The following CSMD1 variants were observed in gnomAD, a reference collection of about 807,000 sequenced individuals.
The protein encoded by CSMD1 is CUB and Sushi multiple domains 1, also known as CUB and sushi domain-containing protein 1.
A neutral mutation model predicts 417.5 loss-of-function variants in CSMD1; 213 were observed. The observed-to-expected ratio is 0.51, with a 90% confidence interval of 0.46 to 0.57. The LOEUF is 0.57. Among genes scored for constraint, CSMD1 ranks in the 20% least tolerant of loss-of-function variants. The pLI, the probability that CSMD1 is intolerant of heterozygous loss-of-function variation, is 0.00. For synonymous variants in CSMD1, 2,862 were observed against 1,736.8 expected (o/e 1.65, Z -16.11); for missense variants, 6,923 against 4,529.7 (o/e 1.53, Z -15.17).
chr8:3,592,366 A>G (rs2449177), intron 8 of CSMD1, among the ~76,000 whole-genome samples: 1,834 of 152,266 alleles, frequency 0.012, 41 homozygotes, highest in African/African-American at 0.042. Flanking sequence ...GTAGGCATTT[A>G]AACATTTTTG....
intron 22 of CSMD1, among the ~76,000 whole-genome samples, chr8:3,347,122 G>T (rs372794617): frequency 6.6e-6 from 1 of 152,218 alleles, no homozygotes; most frequent in African/African-American, 2.4e-5. Context: ...ATATGTTTAC[G>T]AATTTGTGTT....
intron 3 of CSMD1, among the ~76,000 whole-genome samples, chr8:4,392,798 T>C (rs923942589): frequency 1.3e-5 from 2 of 151,570 alleles, no homozygotes; most frequent in African/African-American, 4.8e-5. Context: ...TGAAACCCCA[T>C]CTCTAGTAAA....
intron 3 of CSMD1, among the ~76,000 whole-genome samples, chr8:4,105,719 T>A (rs561299318): frequency 2.0e-5 from 3 of 152,294 alleles, no homozygotes; most frequent in South Asian, 4.1e-4. Context: ...CATGGCAAGA[T>A]CAACCCACAG....
At chr8:4,281,578 G>GT (rs1389788081) in intron 3 of CSMD1, among the ~76,000 whole-genome samples, 5 of 152,044 alleles carry the variant, frequency 3.3e-5, no homozygotes, top group South Asian at 4.1e-4. Flanking sequence ...TTCTTTTTCT[G>GT]TTTTTTGAAT....
chr8:4,934,663 G>A (rs527555152), intron 1 of CSMD1, among the ~76,000 whole-genome samples: 2 of 151,128 alleles, frequency 1.3e-5, no homozygotes, highest in South Asian at 4.2e-4. Flanking sequence ...ATCAATTATT[G>A]ACCTATCATC....
At position 4,842,375 on chromosome 8, in the gene CSMD1, A is replaced by G. The variant is rs555282903; in HGVS notation, c.85+151957T>C. 5.9e-5 allele frequency among the ~76,000 whole-genome samples: 9 copies of G among 152,320 alleles called. No individual in the cohort carries two copies. In the East Asian group the frequency reaches 1.7e-3, roughly 29 times the overall value. On this transcript the variant is annotated intron_variant, in intron 1 of 69. Transcript: ENST00000635120. ...TTGGCTTAAATTAAAACTTCTTCTT[A>G]ATTTTTATTCCCCTTTTGCAATCTT...
rs1392324658 is a variant in CSMD1 at position 4,453,810 on chromosome 8, G to GTTTTTTT, written c.303-33746_303-33745insAAAAAAA. On this transcript the variant is annotated intron_variant, in intron 2 of 69. Coordinates refer to ENST00000635120, the MANE Select transcript of CSMD1 (RefSeq NM_033225.6). ...GTTCCCGAACAAGATTGCGCAATTC[G>GTTTTTTT]TTTCTTTTTTTTTTTTTTTTTTTTT... 6.4e-5 allele frequency among the ~76,000 whole-genome samples: 6 copies of GTTTTTTT among 93,042 alleles called. 1 individual carries two copies. The highest frequency in any genetic ancestry group is 8.8e-5 in the Non-Finnish European group (4 of 45,634). 61.0% of individuals were successfully genotyped at this position (93,042 alleles called of 152,430 possible). A position where few individuals can be genotyped will look rare whatever the true frequency, so the allele number is the denominator to read the frequency against.
chr8:4,002,466 A>C (rs1041983115), intron 4 of CSMD1, among the ~76,000 whole-genome samples: 2 of 152,230 alleles, frequency 1.3e-5, no homozygotes, highest in Non-Finnish European at 2.9e-5. Context: ...GTTTCCTCTT[A>C]GATCTATGAA....
chr8:4,891,855 T>G (rs1166726836), intron 1 of CSMD1, among the ~76,000 whole-genome samples: 1 of 152,144 alleles, frequency 6.6e-6, no homozygotes, highest in East Asian at 1.9e-4. Flanking sequence ...CCTTGTATTA[T>G]CCATTGATTG....
At chr8:4,959,324 T>A (rs945214705) in intron 1 of CSMD1, among the ~76,000 whole-genome samples, 4 of 152,212 alleles carry the variant, frequency 2.6e-5, no homozygotes, top group African/African-American at 9.6e-5. Flanking sequence ...TGGGACCTTC[T>A]TATTCAACAT....
intron 49 of CSMD1, among the ~76,000 whole-genome samples, chr8:3,078,213 C>T (rs1813828869): frequency 6.6e-6 from 1 of 152,134 alleles, no homozygotes; most frequent in African/African-American, 2.4e-5. Context: ...GCAGAAAGGT[C>T]AAGGTCTTCA....
rs1006160735 is a variant in CSMD1, at chr8:3,994,047, C to A, written c.818+3856G>T. On this transcript the variant is annotated intron_variant, in intron 5 of 69. Transcript: ENST00000635120. ...AGCCAGGATGGGGCCAAATCGGTAG[C>A]TGTGGACAGCTTGGGAAGGCACACT... Among the ~76,000 whole-genome samples the A allele has an allele frequency of 8.5e-5, 13 of 152,306 alleles. No homozygotes were observed. In the East Asian group the frequency reaches 2.5e-3, roughly 29 times the overall value.
At chr8:4,027,132 G>C (rs964566667) in intron 4 of CSMD1, among the ~76,000 whole-genome samples, 6 of 152,192 alleles carry the variant, frequency 3.9e-5, no homozygotes, top group Admixed American at 6.5e-5. Context: ...TTACACTCAT[G>C]TTGGGTACAC....
chr8:3,691,833 AAG>A (rs1800261737), intron 7 of CSMD1, among the ~76,000 whole-genome samples: 2 of 152,198 alleles, frequency 1.3e-5, no homozygotes, highest in Admixed American at 1.3e-4. Context: ...AATATGATGA[AAG>A]AGAGTCTGTA....
At position 3,240,768 on chromosome 8, in the gene CSMD1, C is replaced by T. The variant is rs192340572; in HGVS notation, c.4154-10537G>A. The stretch of plus-strand genomic sequence containing the variant: ...TTAGGAGAGTATATGGGTTTGGCAC[C>T]ACTGGGTGGATAGGCAAAACAATCT... On this transcript the variant is annotated intron_variant, in intron 26 of 69. Transcript: ENST00000635120. Among the ~76,000 whole-genome samples, 312 of 152,146 alleles carry T rather than the reference C, an allele frequency of 2.1e-3. 2 individuals are homozygous for T. The highest frequency in any genetic ancestry group is 7.3e-3 in the African/African-American group (303 of 41,496).
In CSMD1 at chr8:3,369,732, C is replaced by T. The variant is rs189280049; in HGVS notation, c.2783-362G>A. Among the ~76,000 whole-genome samples, 145 of 152,298 alleles carry T rather than the reference C, an allele frequency of 9.5e-4. 1 individual carries two copies. The highest frequency in any genetic ancestry group is 1.6e-3 in the Non-Finnish European group (112 of 68,014). Reference sequence around the variant, plus strand: ...TTCAAATCCCCTCAACAAACCATGTCATGTTCAAACACTCACTTCAGACAC... The same window carrying T: ...TTCAAATCCCCTCAACAAACCATGTTATGTTCAAACACTCACTTCAGACAC... On this transcript the variant is annotated intron_variant, in intron 18 of 69. Transcript: ENST00000635120.
chr8:4,264,956 G>C (rs1340089100), intron 3 of CSMD1, among the ~76,000 whole-genome samples: 3 of 152,078 alleles, frequency 2.0e-5, no homozygotes, highest in African/African-American at 7.2e-5. Context: ...ATTTCGAACA[G>C]GATAAAATAT....
chr8:4,587,411 GTATATGTACATGTATATGTGGATAT>G (rs1407660279), intron 2 of CSMD1, among the ~76,000 whole-genome samples: 3 of 76,332 alleles, frequency 3.9e-5, no homozygotes, highest in African/African-American at 2.3e-4. Flanking sequence ...GGATATATAT[GTATATGTACATGTATATGTGGATAT>G]ATATGTATAT....
At chr8:3,502,200 T>C (rs1385054904) in intron 10 of CSMD1, among the ~76,000 whole-genome samples, 1 of 151,588 alleles carries the variant, frequency 6.6e-6, no homozygotes, top group Non-Finnish European at 1.5e-5. Flanking sequence ...CCGTCTCTAC[T>C]AAAAATATAA....
Sources: gnomAD v4.1 joint callset for allele counts (sites outside exome capture counted in the v4.1 genomes callset) on GRCh38, gnomAD v4.1.1 for gene constraint, MANE v1.5 for transcripts, NCBI Gene and HGNC (gene_info 2026-07-23, HGNC 2026-07-21) for gene names.